Variants in EPS15 observed in about 807,000 individuals in gnomAD.
The protein encoded by EPS15 is epidermal growth factor receptor substrate 15.
A neutral mutation model predicts 113.8 loss-of-function variants in EPS15; 72 were observed. The observed-to-expected ratio is 0.63, with a 90% CI of 0.52 to 0.77. The LOEUF (loss-of-function observed/expected upper bound fraction) is 0.77, where lower values mean the gene tolerates loss of function less well. Among genes scored for constraint, EPS15 ranks in the 30% least tolerant of loss-of-function variants. EPS15 has a pLI of 0.00. For synonymous variants in EPS15, 344 were observed against 363.4 expected (o/e 0.95, Z 0.61); for missense variants, 1,048 against 1,045.8 (o/e 1.00, Z -0.03).
In EPS15 at chr1:51,405,922, T is replaced by C. The variant is rs976687101; in HGVS notation, c.1660A>G (p.Ile554Val). The change falls in exon 16 of 25, where the codon ATA (isoleucine) becomes GTA (valine). Residue 554 changes from isoleucine (I) to valine (V), a missense_variant. Coordinates refer to ENST00000371733, the MANE Select transcript of EPS15 (RefSeq NM_001981.3). ...AGACTCACTGGAGATTCCTGGTGTA[T>C]GGGCTCAGACTCTAGGTTGCTCTGG... ...EGQSNLESEP[I>V]HQESPARSSP... 3.7e-6 allele frequency: 6 copies of C among 1,614,092 alleles called. No homozygotes were observed. Among genetic ancestry groups the C allele is most frequent in the African/African-American group, 2.7e-5 (2 of 75,032 alleles).
Position 51,355,087 on chromosome 1 carries a change from A to G in EPS15, c.*1613T>C, listed in dbSNP as rs1570049002. Reference sequence around the variant, plus strand: ...GTGATTATGATTCAGCCCTTGCTTCATATGTATGACTTTTATGCAGAAATG... The same window carrying G: ...GTGATTATGATTCAGCCCTTGCTTCGTATGTATGACTTTTATGCAGAAATG... On this transcript the variant is annotated 3_prime_UTR_variant, in exon 25 of 25. Transcript: ENST00000371733. The G allele has an allele frequency of 3.3e-4, 73 of 221,272 alleles. No individual in the cohort carries two copies. In the East Asian group the frequency reaches 4.8e-3, roughly 15 times the overall value. 13.7% of individuals were successfully genotyped at this position (221,272 alleles called of 1,614,324 possible).
At chr1:51,357,740 CTTT>C (rs397978269) in intron 24 of EPS15, among the ~76,000 whole-genome samples, 2 of 133,060 alleles carry the variant, frequency 1.5e-5, no homozygotes. Flanking sequence ...TAAACCTAAT[CTTT>C]TTTTTTTTTT....
chr1:51,434,905 G>A (rs538689389), intron 12 of EPS15, among the ~76,000 whole-genome samples: 221 of 151,968 alleles, frequency 1.5e-3, no homozygotes, highest in African/African-American at 3.2e-3. Context: ...CTCCTGACCT[G>A]AGGTGATTCA....
intron 21 of EPS15, among the ~76,000 whole-genome samples, chr1:51,384,294 C>CTTTTTT (rs201374174): frequency 1.8e-4 from 18 of 98,512 alleles, no homozygotes; most frequent in African/African-American, 5.6e-4. Context: ...CTTTTTCTTT[C>CTTTTTT]TTTCTTTTTT....
chr1:51,483,534 A>G (rs921958141), intron 1 of EPS15, among the ~76,000 whole-genome samples: 1 of 151,744 alleles, frequency 6.6e-6, no homozygotes. Context: ...TCAGCCAGGC[A>G]CGGTGGCATG....
At chr1:51,374,263 T>A (rs1297307034) in intron 21 of EPS15, among the ~76,000 whole-genome samples, 2 of 152,196 alleles carry the variant, frequency 1.3e-5, no homozygotes, top group Non-Finnish European at 1.5e-5. Context: ...AAAAAATTTC[T>A]GGCACTTAAA....
At chr1:51,434,107 A>G (rs1262800618) in intron 12 of EPS15, among the ~76,000 whole-genome samples, 1 of 152,230 alleles carries the variant, frequency 6.6e-6, no homozygotes, top group East Asian at 1.9e-4. Flanking sequence ...TGGGCAGGGT[A>G]TAACAGTCTT....
At chr1:51,386,433 A>G (rs1557787821) in intron 21 of EPS15, among the ~76,000 whole-genome samples, 1 of 152,232 alleles carries the variant, frequency 6.6e-6, no homozygotes, top group Non-Finnish European at 1.5e-5. Flanking sequence ...ATCTGAATTA[A>G]GATTTGTCAG....
chr1:51,472,748 C>T (rs1557502912), intron 3 of EPS15, 111 bp downstream of exon 3: 2 of 744,950 alleles, frequency 2.7e-6, no homozygotes, highest in Non-Finnish European at 4.6e-6. Flanking sequence ...TTCTATGACT[C>T]GGTTCTAACT....
At chr1:51,379,016 T>C (rs1184888719) in intron 21 of EPS15, among the ~76,000 whole-genome samples, 1 of 152,234 alleles carries the variant, frequency 6.6e-6, no homozygotes, top group East Asian at 1.9e-4. Context: ...AAAAGAGTCC[T>C]ATGCTGAGTT....
chr1:51,445,507 G>C (rs1285150837), intron 10 of EPS15, among the ~76,000 whole-genome samples: 2 of 152,166 alleles, frequency 1.3e-5, no homozygotes, highest in African/African-American at 4.8e-5. Flanking sequence ...AGGATACAAG[G>C]ATCACCAAGC....
chr1:51,372,678 G>A, intron 21 of EPS15: 2 of 412,962 alleles, frequency 4.8e-6, no homozygotes, highest in Admixed American at 6.2e-5. Flanking sequence ...ATATATTTCA[G>A]TGAGAGAAGT....
rs1553139584 is a variant in EPS15 at position 51,508,384 on chromosome 1, G to GAAAGAAAGAA, written c.33+10814_33+10815insTTCTTTCTTT. ...AGAAAGAAAGAAAGAAAGAAAGAAA[G>GAAAGAAAGAA]AGAAAATTTAAACAAATACATATAA... On this transcript the variant is annotated intron_variant, in intron 1 of 24. Coordinates refer to ENST00000371733, the MANE Select transcript of EPS15 (RefSeq NM_001981.3). Among the ~76,000 whole-genome samples, 28 of 145,886 alleles carry GAAAGAAAGAA rather than the reference G, an allele frequency of 1.9e-4. No individual in the cohort carries two copies. The East Asian group carries it at 2.0e-3, about 10-fold the overall frequency.
intron 1 of EPS15, among the ~76,000 whole-genome samples, chr1:51,488,486 A>AAAAAAAAAAAAAAC (rs1557517789): frequency 9.3e-5 from 14 of 150,668 alleles, no homozygotes; most frequent in African/African-American, 3.4e-4. Context: ...AAAAAAAAAA[A>AAAAAAAAAAAAAAC]AAAAAAAAAA....
intron 12 of EPS15, chr1:51,423,847 T>A: frequency 3.1e-6 from 1 of 325,666 alleles, no homozygotes; most frequent in Non-Finnish European, 4.4e-6. Flanking sequence ...GACTCAGCTC[T>A]AAACAGCAAA....
intron 16 of EPS15, among the ~76,000 whole-genome samples, chr1:51,405,146 C>T (rs1648973621): frequency 6.6e-6 from 1 of 152,206 alleles, no homozygotes; most frequent in Non-Finnish European, 1.5e-5. Context: ...TTCTGCGCTT[C>T]CTTTAGCACA....
chr1:51,491,664 T>C (rs1018732131), intron 1 of EPS15, among the ~76,000 whole-genome samples: 20 of 151,542 alleles, frequency 1.3e-4, no homozygotes, highest in East Asian at 1.2e-3. Context: ...TAAGAGAAAT[T>C]TGAGAAAGGA....
At chr1:51,379,475 G>A (rs1646884878) in intron 21 of EPS15, among the ~76,000 whole-genome samples, 1 of 152,154 alleles carries the variant, frequency 6.6e-6, no homozygotes, top group Non-Finnish European at 1.5e-5. Context: ...GAAGGGAGTA[G>A]GGGAATATAT....
intron 1 of EPS15, among the ~76,000 whole-genome samples, chr1:51,485,523 T>C (rs1015706747): frequency 6.6e-6 from 1 of 152,034 alleles, no homozygotes; most frequent in Non-Finnish European, 1.5e-5. Context: ...AGCCCAGGAA[T>C]TCATGACCAA....
Sources: gnomAD v4.1 joint callset for allele counts (sites outside exome capture counted in the v4.1 genomes callset) on GRCh38, gnomAD v4.1.1 for gene constraint, MANE v1.5 for transcripts, NCBI Gene and HGNC (gene_info 2026-07-23, HGNC 2026-07-21) for gene names.